The following RETREG3 variants were observed in gnomAD, a reference collection of about 807,000 sequenced individuals.
RETREG3 encodes reticulophagy regulator family member 3, also known as reticulophagy regulator 3.
A neutral mutation model predicts 50.2 loss-of-function variants in RETREG3; 23 were observed. The ratio of observed to expected loss-of-function variants is 0.46; its 90% CI spans 0.33 to 0.65. The LOEUF is 0.65. Among genes scored for constraint, RETREG3 ranks in the 30% least tolerant of loss-of-function variants. The pLI is 0.02. For missense variants in RETREG3, 546 were observed against 598.0 expected (o/e 0.91, Z 0.91); for synonymous variants, 240 against 234.4 (o/e 1.02, Z -0.22).
intron 1 of RETREG3, among the ~76,000 whole-genome samples, chr17:42,601,314 T>C (rs9913356): frequency 0.5 from 76,050 of 150,686 alleles, 19,388 homozygotes; most frequent in South Asian, 0.64. Context: ...GGCTCAAGCC[T>C]GTAATCCCAA....
chr17:42,587,166 C>T (rs1352372097), intron 3 of RETREG3, among the ~76,000 whole-genome samples: 1 of 152,218 alleles, frequency 6.6e-6, no homozygotes, highest in Non-Finnish European at 1.5e-5. Flanking sequence ...GCCCTTTGTG[C>T]TTAGAAACGT....
At chr17:42,601,910 T>C (rs1216590329) in intron 1 of RETREG3, among the ~76,000 whole-genome samples, 5 of 152,058 alleles carry the variant, frequency 3.3e-5, no homozygotes, top group Non-Finnish European at 7.4e-5. Flanking sequence ...CTGAGAATTA[T>C]AGGCATGAGC....
At chr17:42,598,202 C>T (rs201234815) in intron 1 of RETREG3, among the ~76,000 whole-genome samples, 7 of 150,528 alleles carry the variant, frequency 4.7e-5, no homozygotes, top group African/African-American at 7.3e-5. Flanking sequence ...AGGATTGTCT[C>T]GATCTCCTGA....
chr17:42,593,352 C>T (rs181948467), intron 1 of RETREG3, among the ~76,000 whole-genome samples: 4 of 151,876 alleles, frequency 2.6e-5, no homozygotes, highest in African/African-American at 9.7e-5. Context: ...AGGAATCAAC[C>T]ATAAAAAAAT....
At chr17:42,594,743 C>T (rs1187278310) in intron 1 of RETREG3, among the ~76,000 whole-genome samples, 1 of 151,188 alleles carries the variant, frequency 6.6e-6, no homozygotes, top group African/African-American at 2.4e-5. Context: ...CCCAGCTACT[C>T]GGGAGGCTGA....
At chr17:42,600,521 A>G (rs1247991061) in intron 1 of RETREG3, among the ~76,000 whole-genome samples, 1 of 152,246 alleles carries the variant, frequency 6.6e-6, no homozygotes, top group South Asian at 2.1e-4. Context: ...AATATACTGA[A>G]ATACCTAGAT....
intron 8 of RETREG3, 145 bp downstream of exon 8, chr17:42,582,529 G>A (rs2093111695): frequency 1.5e-6 from 2 of 1,292,812 alleles, no homozygotes; most frequent in Non-Finnish European, 2.1e-6. Context: ...CATCCTGGCT[G>A]TAGCCACAGC....
At position 42,609,362 on chromosome 17, in the gene RETREG3, G is replaced by A. The variant is rs200561451; in HGVS notation, c.-38C>T. 1,333 of 1,558,538 alleles carry A rather than the reference G, an allele frequency of 8.6e-4. 11 individuals carry two copies. In the African/African-American group the frequency reaches 0.013, roughly 15 times the overall value. ...GCCACAACATCCGGGGCCGTGGCCCGACAAGTCACAATAACAGCAACTGCG... is the reference window on the plus strand; with the variant it reads ...GCCACAACATCCGGGGCCGTGGCCCAACAAGTCACAATAACAGCAACTGCG... On this transcript the variant is annotated 5_prime_UTR_variant, in exon 1 of 9. Transcript: ENST00000309428.
Position 42,592,115 on chromosome 17 carries a change from C to T in RETREG3, c.287G>A (p.Gly96Asp), listed in dbSNP as rs2093134449. The T allele has an allele frequency of 6.2e-7, 1 of 1,613,696 alleles. No homozygotes were observed. Among genetic ancestry groups the T allele is most frequent in the Non-Finnish European group, 8.5e-7 (1 of 1,179,944 alleles). ...SLRLVFLLAF[G>D]LMIIVCIDQW... ...ATCAATACACACAATGATCATCAAG[C>T]CAAATGCAAGTAAAAACACAAGACG... The change falls in exon 2 of 9, where the codon GGC becomes GAC. Residue 96 changes from glycine to aspartate, a missense_variant. Transcript: ENST00000309428.
In RETREG3 at chr17:42,598,196, T is replaced by C. The variant is rs141443057; in HGVS notation, c.240-6034A>G. Among the ~76,000 whole-genome samples, 760 of 150,354 alleles carry C rather than the reference T, an allele frequency of 5.1e-3. 8 individuals are homozygous for C. Among genetic ancestry groups the C allele is most frequent in the African/African-American group, 0.018 (732 of 40,862 alleles). On this transcript the variant is annotated intron_variant, in intron 1 of 8. Coordinates refer to ENST00000309428, the MANE Select transcript of RETREG3 (RefSeq NM_178126.4). Reference sequence around the variant, plus strand: ...CGGGGTTTTACCATGTTAGCTAGGATTGTCTCGATCTCCTGACCTCATGAT... The same window carrying C: ...CGGGGTTTTACCATGTTAGCTAGGACTGTCTCGATCTCCTGACCTCATGAT...
intron 1 of RETREG3, among the ~76,000 whole-genome samples, chr17:42,600,956 GAC>G (rs1272833520): frequency 6.6e-6 from 1 of 152,032 alleles, no homozygotes; most frequent in African/African-American, 2.4e-5. Context: ...TAGCCTGGGT[GAC>G]AGAGTGAAAC....
chr17:42,585,360 A>G, intron 5 of RETREG3, 98 bp from the exon 6 acceptor site: 2 of 1,502,876 alleles, frequency 1.3e-6, no homozygotes, highest in Middle Eastern at 2.2e-4. Context: ...GCTTGGACAC[A>G]AAGTGTGGAA....
chr17:42,586,580 T>TC (rs1256193067), intron 4 of RETREG3, 185 bp downstream of exon 4: 22 of 713,450 alleles, frequency 3.1e-5, no homozygotes, highest in Non-Finnish European at 4.1e-5. Flanking sequence ...AAATGAGCAG[T>TC]CACCAAGCTC....
At chr17:42,600,416 A>G (rs886366283) in intron 1 of RETREG3, among the ~76,000 whole-genome samples, 5 of 152,178 alleles carry the variant, frequency 3.3e-5, no homozygotes, top group Non-Finnish European at 7.4e-5. Context: ...TATGACATTT[A>G]TAAGAAAATT....
intron 8 of RETREG3, 41 bp from the exon 9 acceptor site, chr17:42,582,311 G>T (rs764719854): frequency 1.3e-6 from 2 of 1,555,220 alleles, no homozygotes; most frequent in Admixed American, 3.6e-5. Flanking sequence ...GCACCTACCT[G>T]GCCCTCCTGT....
rs141775138 is a variant in RETREG3, at chr17:42,606,889, C to T, written c.239+2197G>A. ...GCGCATGCCTGTAATCCCAGCTGCT[C>T]GGGAGGCTGAGGCAGGAGAATCGCT... On this transcript the variant is annotated intron_variant, in intron 1 of 8. Transcript: ENST00000309428. Among the ~76,000 whole-genome samples, 107 of 151,972 alleles carry T rather than the reference C, an allele frequency of 7.0e-4. 2 individuals carry two copies. Among genetic ancestry groups the T allele is most frequent in the African/African-American group, 2.5e-3 (105 of 41,448 alleles).
intron 8 of RETREG3, 122 bp from the exon 9 acceptor site, chr17:42,582,392 TA>T (rs914567161): frequency 2.1e-6 from 2 of 969,496 alleles, no homozygotes; most frequent in Non-Finnish European, 3.0e-6. Context: ...ATGGGACTGG[TA>T]TACCTTTCCC....
At chr17:42,602,107 A>G (rs914493993) in intron 1 of RETREG3, among the ~76,000 whole-genome samples, 4 of 151,862 alleles carry the variant, frequency 2.6e-5, no homozygotes, top group African/African-American at 9.7e-5. Context: ...CTTGAGGTCA[A>G]GAGTTCAAGA....
rs767951829 is a variant in RETREG3, at chr17:42,609,096, C to T, written c.229G>A (p.Ala77Thr). 12 of 1,606,094 alleles carry T rather than the reference C, an allele frequency of 7.5e-6. No homozygotes were observed. Among genetic ancestry groups the T allele is most frequent in the Non-Finnish European group, 1.0e-5 (12 of 1,179,770 alleles). ...GTCCAGTTCTCTCACCAGAAAGCCG[C>T]GTTCAGCCCCAGGCACCACAGAGCG... ...RSALWCLGLN[A>T]AFWFFALTSL... The change falls in exon 1 of 9, where the codon GCG (alanine) becomes ACG (threonine). Residue 77 changes from alanine to threonine, a missense_variant. Transcript: ENST00000309428.
Sources: allele counts gnomAD v4.1 joint callset (sites outside exome capture counted in the v4.1 genomes callset), GRCh38; gene constraint gnomAD v4.1.1; transcripts MANE v1.5; gene names NCBI Gene and HGNC (gene_info 2026-07-23, HGNC 2026-07-21).